The following MAP3K5 variants were observed in gnomAD, a reference collection of about 807,000 sequenced individuals.
The protein encoded by MAP3K5 is mitogen-activated protein kinase kinase kinase 5.
Under a neutral mutation model 158.7 loss-of-function variants are expected in MAP3K5, and 56 were observed. The observed-to-expected ratio is 0.35, with a 90% CI of 0.28 to 0.44. The LOEUF (loss-of-function observed/expected upper bound fraction) is 0.44. Among genes scored for constraint, MAP3K5 ranks in the 20% least tolerant of loss-of-function variants. MAP3K5 has a pLI of 1.00. For missense variants in MAP3K5, 1,294 were observed against 1,674.8 expected (o/e 0.77, Z 3.97); for synonymous variants, 579 against 601.7 (o/e 0.96, Z 0.55).
intron 15 of MAP3K5, among the ~76,000 whole-genome samples, chr6:136,621,839 C>A (rs1361385006): frequency 1.3e-5 from 2 of 152,210 alleles, no homozygotes; most frequent in African/African-American, 2.4e-5. Context: ...GTAATCCCAG[C>A]ACTTTGGGAG....
chr6:136,606,712 G>A (rs944632349), intron 18 of MAP3K5, among the ~76,000 whole-genome samples: 4 of 152,204 alleles, frequency 2.6e-5, no homozygotes, highest in African/African-American at 7.2e-5. Context: ...TTCAAATTAT[G>A]AGGTGTTTGC....
At chr6:136,787,936 A>G (rs998780679) in intron 1 of MAP3K5, among the ~76,000 whole-genome samples, 4 of 152,234 alleles carry the variant, frequency 2.6e-5, no homozygotes, top group African/African-American at 9.6e-5. Context: ...CTTGCAAGCT[A>G]AGAATGGTTT....
At chr6:136,737,935 T>C (rs1264508851) in intron 1 of MAP3K5, among the ~76,000 whole-genome samples, 1 of 152,178 alleles carries the variant, frequency 6.6e-6, no homozygotes, top group Non-Finnish European at 1.5e-5. Flanking sequence ...TGGTAGAATT[T>C]CAGGATGCAG....
chr6:136,562,938 A>G (rs1022297636), intron 26 of MAP3K5, among the ~76,000 whole-genome samples: 54 of 149,698 alleles, frequency 3.6e-4, no homozygotes, highest in African/African-American at 1.2e-3. Flanking sequence ...TCAGCCTCTC[A>G]AAGCTCTGGG....
At chr6:136,559,275 C>T (rs1830395306) in intron 28 of MAP3K5, among the ~76,000 whole-genome samples, 1 of 152,198 alleles carries the variant, frequency 6.6e-6, no homozygotes, top group African/African-American at 2.4e-5. Flanking sequence ...TCGCTTGAAC[C>T]CGGGAGGCAG....
In MAP3K5 at chr6:136,567,317, A is replaced by T. The variant is rs76246271; in HGVS notation, c.3761+314T>A. ...AGCTTTCTGTTCTTTTCAGCTATCTACTGGAAGGTACATGCTGCTCTGAGC... is the reference window on the plus strand; with the variant it reads ...AGCTTTCTGTTCTTTTCAGCTATCTTCTGGAAGGTACATGCTGCTCTGAGC... On this transcript the variant is annotated intron_variant, in intron 26 of 29. Transcript: ENST00000359015. Among the ~76,000 whole-genome samples, 1,238 of 152,230 alleles carry T rather than the reference A, an allele frequency of 8.1e-3. 18 individuals carry two copies. The highest frequency in any genetic ancestry group is 0.028 in the African/African-American group (1,143 of 41,530).
rs57162918 is a variant in MAP3K5, at chr6:136,789,675, CTTTTTTTTTTTTTT to C, written c.448+2021_448+2034del. ...AGGAAGCAAGGGCCAAGCACAACCT[CTTTTTTTTTTTTTT>C]TTTTTTTTTTTTTTTAAGACAGAGT... is the stretch of plus-strand genomic sequence containing the variant. On this transcript the variant is annotated intron_variant, in intron 1 of 29. Transcript: ENST00000359015. 3.8e-5 allele frequency among the ~76,000 whole-genome samples: 3 copies of C among 78,754 alleles called. No homozygotes were observed. The South Asian group carries it at 1.6e-3, about 41-fold the overall frequency. The allele number at this position is 78,754 out of a possible 152,430, so 51.7% of individuals were successfully genotyped here. A position where few individuals can be genotyped will look rare whatever the true frequency, so the allele number is the denominator to read the frequency against.
At chr6:136,604,633 A>G (rs1248187989) in intron 19 of MAP3K5, among the ~76,000 whole-genome samples, 1 of 152,144 alleles carries the variant, frequency 6.6e-6, no homozygotes, top group African/African-American at 2.4e-5. Flanking sequence ...GCCTATTTCT[A>G]TTATCAGGTA....
chr6:136,756,842 C>T (rs905548577), intron 1 of MAP3K5, among the ~76,000 whole-genome samples: 2 of 152,120 alleles, frequency 1.3e-5, no homozygotes, highest in African/African-American at 4.8e-5. Context: ...GCTGATGGCC[C>T]GGTGCATGTG....
At chr6:136,628,941 T>G (rs987474978) in intron 14 of MAP3K5, among the ~76,000 whole-genome samples, 1 of 152,224 alleles carries the variant, frequency 6.6e-6, no homozygotes, top group African/African-American at 2.4e-5. Flanking sequence ...TGTCCAGGAA[T>G]AGTAGAAGAG....
chr6:136,659,176 A>G, intron 9 of MAP3K5, 43 bp downstream of exon 9: 1 of 1,471,614 alleles, frequency 6.8e-7, no homozygotes, highest in South Asian at 1.2e-5. Flanking sequence ...AACAATATGG[A>G]GCTGTTTATT....
In MAP3K5 at chr6:136,580,326, C is replaced by T. The variant is rs1458999907; in HGVS notation, c.3492G>A (p.Gln1164=). 2.5e-6 allele frequency: 4 copies of T among 1,613,076 alleles called. No homozygotes were observed. In the Admixed American group the frequency reaches 5.0e-5, roughly 20 times the overall value. Residue 1164 remains glutamine, a synonymous_variant, in exon 25 of 30, where the codon CAG becomes CAA. Transcript: ENST00000359015. ...ALDSIIRKAV[Q]TAITILVPEL... ...CTGGAACCAGGATGGTAATGGCTGTCTGTACCGCCTTCCGAATGATACTGT... is the reference window on the plus strand; with the variant it reads ...CTGGAACCAGGATGGTAATGGCTGTTTGTACCGCCTTCCGAATGATACTGT...
chr6:136,739,370 C>G (rs1782616536), intron 1 of MAP3K5, among the ~76,000 whole-genome samples: 1 of 152,168 alleles, frequency 6.6e-6, no homozygotes. Flanking sequence ...TAACAATAGT[C>G]TTTGTCACAG....
intron 14 of MAP3K5, among the ~76,000 whole-genome samples, chr6:136,630,662 A>T (rs1198704072): frequency 6.6e-6 from 1 of 152,166 alleles, no homozygotes; most frequent in Non-Finnish European, 1.5e-5. Context: ...CATAAACAAA[A>T]CCTTATCAAA....
intron 14 of MAP3K5, among the ~76,000 whole-genome samples, chr6:136,627,231 G>T (rs1777079534): frequency 6.6e-6 from 1 of 151,954 alleles, no homozygotes; most frequent in South Asian, 2.1e-4. Flanking sequence ...TCTCACCGGA[G>T]TTGCCTCAGA....
intron 21 of MAP3K5, among the ~76,000 whole-genome samples, chr6:136,597,110 T>C (rs189088657): frequency 1.3e-5 from 2 of 152,158 alleles, no homozygotes; most frequent in Non-Finnish European, 2.9e-5. Context: ...TCTCTGAGGA[T>C]AGGACATGTC....
In MAP3K5 at chr6:136,700,889, A is replaced by G. The variant is rs1272366162; in HGVS notation, c.613-2207T>C. ...ACTACTGCCGTTATGGGGAACAAAA[A>G]AAGTCCAGGTTATCCATTCCTAGCC... On this transcript the variant is annotated intron_variant, in intron 3 of 29. Transcript: ENST00000359015. 1.2e-4 allele frequency among the ~76,000 whole-genome samples: 18 copies of G among 152,338 alleles called. No individual in the cohort carries two copies. In the East Asian group the frequency reaches 3.3e-3, roughly 28 times the overall value.
intron 1 of MAP3K5, among the ~76,000 whole-genome samples, chr6:136,737,757 CT>C (rs1334763805): frequency 2.6e-5 from 4 of 152,186 alleles, no homozygotes; most frequent in Non-Finnish European, 4.4e-5. Context: ...CCTTCATGGG[CT>C]GATAACCTTC....
chr6:136,639,496 T>C (rs1583320213), intron 13 of MAP3K5, 47 bp downstream of exon 13: 2 of 1,023,430 alleles, frequency 2.0e-6, no homozygotes, highest in East Asian at 2.5e-5. Flanking sequence ...TTGAAAATAA[T>C]GATCAGGTAA....
Sources: allele counts gnomAD v4.1 joint callset (sites outside exome capture counted in the v4.1 genomes callset), GRCh38; gene constraint gnomAD v4.1.1; transcripts MANE v1.5; gene names NCBI Gene and HGNC (gene_info 2026-07-23, HGNC 2026-07-21).